The following CASP4 variants were observed in gnomAD, a reference collection of about 807,000 sequenced individuals.
CASP4 encodes the protein caspase-4.
CASP4 carries 29 observed loss-of-function variants against 41.3 expected under a neutral mutation model. That is an observed-to-expected ratio of 0.70 (90% CI 0.52 to 0.96). CASP4 has a LOEUF of 0.96. CASP4 is among the 40% of genes least tolerant of loss of function. The probability of loss-of-function intolerance (pLI) is 0.00; values close to 1 mark genes in which losing one functional copy is unlikely to be tolerated. For synonymous variants in CASP4, 185 were observed against 158.4 expected, an observed-to-expected ratio of 1.17 and a Z score of -1.26; for missense variants, 447 against 460.6, an observed-to-expected ratio of 0.97 and a Z score of 0.27.
intron 6 of CASP4, chr11:104,947,470 T>C (rs763264899): frequency 5.2e-5 from 11 of 210,480 alleles, no homozygotes; most frequent in Non-Finnish European, 4.7e-5. Flanking sequence ...ACTACAAAAC[T>C]CATGTTCATT....
At position 104,958,817 on chromosome 11, in the gene CASP4, C is replaced by T. The variant is rs977181088; in HGVS notation, c.8-3816G>A. On this transcript the variant is annotated intron_variant, in intron 1 of 8. Transcript: ENST00000444739. ...TTCTAGTAAAAATACAAAAATTAGC[C>T]GAGCGTGGTGGTGGGCGCCTGTAAT... 2.6e-5 allele frequency among the ~76,000 whole-genome samples: 4 copies of T among 151,448 alleles called. No homozygotes were observed. In the East Asian group the frequency reaches 5.8e-4, roughly 22 times the overall value.
chr11:104,965,676 G>C (rs1045863108), intron 1 of CASP4, among the ~76,000 whole-genome samples: 1 of 152,124 alleles, frequency 6.6e-6, no homozygotes, highest in Non-Finnish European at 1.5e-5. Flanking sequence ...GCCTTTTCTC[G>C]AAAAGACCCT....
chr11:104,966,833 C>T (rs573011684), intron 1 of CASP4, among the ~76,000 whole-genome samples: 1 of 152,220 alleles, frequency 6.6e-6, no homozygotes, highest in South Asian at 2.1e-4. Context: ...GACTTTTGAC[C>T]TAAAGCATAT....
chr11:104,958,878 T>G (rs1223287282), intron 1 of CASP4, among the ~76,000 whole-genome samples: 1 of 144,874 alleles, frequency 6.9e-6, no homozygotes, highest in African/African-American at 2.6e-5. Context: ...GTAGAATTGC[T>G]GGAACCCTAG....
chr11:104,942,931 C>G lies in CASP4; in HGVS notation c.*48G>C. The G allele has an allele frequency of 2.2e-6, 1 of 455,938 alleles. No homozygotes were observed. Among genetic ancestry groups the G allele is most frequent in the South Asian group, 1.5e-5 (1 of 64,546 alleles). The allele number at this position is 455,938 out of a possible 1,614,324, so 28.2% of individuals were successfully genotyped here. A position where few individuals can be genotyped will look rare whatever the true frequency, so the allele number is the denominator to read the frequency against. ...TATGCAAGCTGTACTAATGAAGGTG[C>G]TCCTTGAAGTTGATTAAGGAGGGCT... On this transcript the variant is annotated 3_prime_UTR_variant, in exon 9 of 9. Coordinates refer to ENST00000444739, the MANE Select transcript of CASP4 (RefSeq NM_001225.4).
chr11:104,951,225 A>C, intron 3 of CASP4, 127 bp from the exon 4 acceptor site: 1 of 720,714 alleles, frequency 1.4e-6, no homozygotes, highest in South Asian at 2.3e-5. Context: ...ATCAAAAGAC[A>C]CTGACTTTCT....
intron 1 of CASP4, among the ~76,000 whole-genome samples, chr11:104,966,498 A>G (rs1860978826): frequency 1.3e-5 from 2 of 152,380 alleles, no homozygotes; most frequent in South Asian, 2.1e-4. Flanking sequence ...CAAGAAAAGC[A>G]TAAGCAAAGT....
At chr11:104,947,381 G>C (rs946120512) in intron 6 of CASP4, 189 bp from the exon 7 acceptor site, 1 of 382,894 alleles carries the variant, frequency 2.6e-6, no homozygotes, top group Admixed American at 4.4e-5. Context: ...CCTAGCAAAA[G>C]GTGATCAAAA....
chr11:104,948,669 A>T lies in CASP4; in HGVS notation c.789T>A (p.Arg263=). ...IIVQACRGAN[R]GELWVRDSPA... Reference sequence around the variant, plus strand: ...GAGAGTCTCTGACCCACAGTTCCCCACGGTTTGCTATGGAGACATTAACTT... The same window carrying T: ...GAGAGTCTCTGACCCACAGTTCCCCTCGGTTTGCTATGGAGACATTAACTT... Residue 263 remains arginine (R), a synonymous_variant, in exon 6 of 9, where the codon CGT becomes CGA. Coordinates refer to ENST00000444739, the MANE Select transcript of CASP4 (RefSeq NM_001225.4). 1 of 1,601,622 alleles carries T rather than the reference A, an allele frequency of 6.2e-7. No homozygotes were observed. The highest frequency in any genetic ancestry group is 1.7e-5 in the Admixed American group (1 of 59,398).
chr11:104,958,652 TG>T (rs1860789980), intron 1 of CASP4, among the ~76,000 whole-genome samples: 1 of 151,968 alleles, frequency 6.6e-6, no homozygotes, highest in South Asian at 2.1e-4. Context: ...AAGAAACTCT[TG>T]TACACTGTTG....
At chr11:104,968,056 G>A (rs1351227671) in intron 1 of CASP4, among the ~76,000 whole-genome samples, 1 of 151,820 alleles carries the variant, frequency 6.6e-6, no homozygotes, top group African/African-American at 2.4e-5. Flanking sequence ...ACGAGAAAGA[G>A]GAAAAAATTG....
At chr11:104,966,751 A>C (rs1381802150) in intron 1 of CASP4, among the ~76,000 whole-genome samples, 7 of 152,188 alleles carry the variant, frequency 4.6e-5, no homozygotes, top group Non-Finnish European at 1.5e-5. Flanking sequence ...AAGTATTTGA[A>C]GATGTTTGCA....
At chr11:104,959,098 T>C (rs1860804037) in intron 1 of CASP4, among the ~76,000 whole-genome samples, 1 of 151,592 alleles carries the variant, frequency 6.6e-6, no homozygotes, top group East Asian at 1.9e-4. Flanking sequence ...ATATCAAAAA[T>C]TGGAAAATCA....
In CASP4 at chr11:104,942,977, C is replaced by G. The variant is rs1230474962; in HGVS notation, c.*6-4G>C. 1 of 455,042 alleles carries G rather than the reference C, an allele frequency of 2.2e-6. No homozygotes were observed. Among genetic ancestry groups the G allele is most frequent in the South Asian group, 1.6e-5 (1 of 64,506 alleles). 28.2% of individuals were successfully genotyped at this position (455,042 alleles called of 1,614,324 possible). The stretch of plus-strand genomic sequence containing the variant: ...GGGCTGGGCTGCTTGTGGCTTCCTG[C>G]AGGGGAGAGAAAAAACAGAAGGTCA... On this transcript the variant is annotated splice_region_variant and splice_polypyrimidine_tract_variant and intron_variant, in intron 8 of 8. Transcript: ENST00000444739.
intron 3 of CASP4, 151 bp from the exon 4 acceptor site, chr11:104,951,249 C>A: frequency 1.7e-6 from 1 of 596,202 alleles, no homozygotes; most frequent in South Asian, 2.8e-5. Flanking sequence ...TCTCAAGAAC[C>A]CAGGGAAAGA....
intron 1 of CASP4, among the ~76,000 whole-genome samples, chr11:104,965,932 A>C (rs1860965178): frequency 6.6e-6 from 1 of 152,110 alleles, no homozygotes; most frequent in Non-Finnish European, 1.5e-5. Flanking sequence ...CTGCCATCAC[A>C]CCCAGGAAGA....
intron 8 of CASP4, chr11:104,944,288 G>C (rs1288019163): frequency 1.2e-5 from 2 of 160,824 alleles, no homozygotes; most frequent in Non-Finnish European, 2.7e-5. Context: ...TCCAGAGTTA[G>C]CTCCTTTGTT....
chr11:104,958,159 A>G (rs1165874865), intron 1 of CASP4, among the ~76,000 whole-genome samples: 2 of 152,222 alleles, frequency 1.3e-5, no homozygotes, highest in African/African-American at 4.8e-5. Context: ...TGTAAATGTA[A>G]GAACCAAAAC....
intron 6 of CASP4, chr11:104,947,778 G>C (rs896633266): frequency 6.6e-6 from 1 of 152,190 alleles, no homozygotes; most frequent in Non-Finnish European, 1.5e-5. Flanking sequence ...CTTGAAATTT[G>C]TTAAGAGAGT....
Sources: gnomAD v4.1 joint callset for allele counts (sites outside exome capture counted in the v4.1 genomes callset) on GRCh38, gnomAD v4.1.1 for gene constraint, MANE v1.5 for transcripts, NCBI Gene and HGNC (gene_info 2026-07-23, HGNC 2026-07-21) for gene names.